Variants in PARP8 observed in about 807,000 individuals in gnomAD.
PARP8 encodes the protein protein mono-ADP-ribosyltransferase PARP8.
A neutral mutation model predicts 124.1 loss-of-function variants in PARP8; 51 were observed. The ratio of observed to expected loss-of-function variants is 0.41; its 90% CI spans 0.33 to 0.52. The LOEUF is 0.52. Ranked by LOEUF, PARP8 falls within the 20% of genes least tolerant of loss-of-function variation. PARP8 has a pLI of 0.21. For missense variants in PARP8, 860 were observed against 1,018.9 expected (o/e 0.84, Z 2.12); for synonymous variants, 391 against 361.5 (o/e 1.08, Z -0.93).
At chr5:50,667,511 G>T in intron 1 of PARP8, 1 of 700,182 alleles carries the variant, frequency 1.4e-6, no homozygotes, top group Non-Finnish European at 2.6e-6. Context: ...CGCTTCCTGG[G>T]TTCCAGCAGC....
chr5:50,840,459 C>T (rs745951822), intron 25 of PARP8, among the ~76,000 whole-genome samples: 2 of 151,674 alleles, frequency 1.3e-5, no homozygotes, highest in Non-Finnish European at 2.9e-5. Context: ...TGCTGGATGA[C>T]GGTACATCAA....
intron 14 of PARP8, among the ~76,000 whole-genome samples, chr5:50,799,313 T>A (rs533690639): frequency 7.9e-5 from 12 of 152,340 alleles, no homozygotes; most frequent in Non-Finnish European, 1.5e-4. Flanking sequence ...CACCATTCTT[T>A]GAAAAGACTA....
intron 2 of PARP8, among the ~76,000 whole-genome samples, chr5:50,746,796 G>T (rs993061897): frequency 1.3e-5 from 2 of 152,134 alleles, no homozygotes; most frequent in Non-Finnish European, 2.9e-5. Context: ...GAAGGCTGAG[G>T]CAGGAAGATC....
intron 14 of PARP8, among the ~76,000 whole-genome samples, chr5:50,802,040 T>A (rs540057858): frequency 6.6e-6 from 1 of 152,346 alleles, no homozygotes; most frequent in South Asian, 2.1e-4. Context: ...AAATTGTTGA[T>A]CTTGGTTTTA....
At chr5:50,774,601 C>G (rs570526169) in intron 7 of PARP8, among the ~76,000 whole-genome samples, 1 of 130,190 alleles carries the variant, frequency 7.7e-6, no homozygotes, top group African/African-American at 3.1e-5. Context: ...CCAGACAGGG[C>G]GGCCGGGCAG....
In PARP8 at chr5:50,817,676, A is replaced by G. The variant is rs371710401; in HGVS notation, c.1668+2152A>G. On this transcript the variant is annotated intron_variant, in intron 15 of 25. Transcript: ENST00000281631. ...CATCTAAGATTTTTTTTAAATTACT[A>G]TTGCAGTATTGGACAATGATTGGTT... Among the ~76,000 whole-genome samples the G allele has an allele frequency of 3.0e-3, 454 of 152,252 alleles. 2 individuals carry two copies. Among genetic ancestry groups the G allele is most frequent in the African/African-American group, 0.01 (436 of 41,534 alleles).
chr5:50,727,637 C>T (rs1254896482), intron 2 of PARP8, among the ~76,000 whole-genome samples: 8 of 152,158 alleles, frequency 5.3e-5, no homozygotes, highest in African/African-American at 1.9e-4. Context: ...AATATAATAA[C>T]CACTAAAGGG....
chr5:50,737,414 G>GTTC (rs142502943), intron 2 of PARP8, among the ~76,000 whole-genome samples: 5 of 152,034 alleles, frequency 3.3e-5, no homozygotes, highest in Non-Finnish European at 7.4e-5. Flanking sequence ...GAGAATAAGG[G>GTTC]TACTCATTAG....
intron 2 of PARP8, among the ~76,000 whole-genome samples, chr5:50,736,499 A>C (rs1757492929): frequency 6.6e-6 from 1 of 152,138 alleles, no homozygotes; most frequent in Non-Finnish European, 1.5e-5. Context: ...TCAGCACCTA[A>C]ATTAATCTGA....
intron 2 of PARP8, among the ~76,000 whole-genome samples, chr5:50,731,695 C>T (rs1419436509): frequency 6.6e-6 from 1 of 152,104 alleles, no homozygotes; most frequent in East Asian, 1.9e-4. Flanking sequence ...CTCAGTTATG[C>T]ATTTGCTTAA....
chr5:50,825,895 A>G (rs1746293116), intron 18 of PARP8, among the ~76,000 whole-genome samples: 2 of 152,158 alleles, frequency 1.3e-5, no homozygotes, highest in African/African-American at 4.8e-5. Flanking sequence ...ATTTTATAGT[A>G]CACATTTAAT....
At chr5:50,821,789 T>G (rs752833279) in intron 16 of PARP8, among the ~76,000 whole-genome samples, 11 of 152,218 alleles carry the variant, frequency 7.2e-5, no homozygotes, top group Non-Finnish European at 1.6e-4. Context: ...TTGAAATAAT[T>G]TTATAGAAAC....
intron 2 of PARP8, among the ~76,000 whole-genome samples, chr5:50,742,638 C>T (rs1223220945): frequency 6.6e-6 from 1 of 152,136 alleles, no homozygotes; most frequent in African/African-American, 2.4e-5. Context: ...GCAAAAACAA[C>T]TAGGAAGAAA....
intron 3 of PARP8, among the ~76,000 whole-genome samples, chr5:50,754,247 T>A (rs2149562050): frequency 6.6e-6 from 1 of 150,550 alleles, no homozygotes; most frequent in Non-Finnish European, 1.5e-5. Flanking sequence ...GTTTGTTACA[T>A]ATGTATACAT....
chr5:50,710,618 T>C (rs774166414), intron 2 of PARP8, among the ~76,000 whole-genome samples: 13 of 152,156 alleles, frequency 8.5e-5, no homozygotes, highest in Non-Finnish European at 2.9e-5. Flanking sequence ...CTAATTCTCA[T>C]TTCTGGTCTG....
intron 14 of PARP8, 27 bp downstream of exon 14, chr5:50,797,260 T>C (rs548178450): frequency 5.4e-6 from 8 of 1,484,772 alleles, no homozygotes; most frequent in Admixed American, 3.7e-5. Flanking sequence ...AGAATGTCCG[T>C]GTTGGTTTAG....
chr5:50,705,087 A>G (rs1753997912), intron 2 of PARP8, among the ~76,000 whole-genome samples: 2 of 152,224 alleles, frequency 1.3e-5, no homozygotes, highest in African/African-American at 2.4e-5. Flanking sequence ...TATCTGCTCA[A>G]TATAGATTGA....
At chr5:50,755,530 A>C (rs1030495178) in intron 3 of PARP8, among the ~76,000 whole-genome samples, 16 of 151,986 alleles carry the variant, frequency 1.1e-4, no homozygotes, top group Admixed American at 9.2e-4. Flanking sequence ...GTATTGTTCC[A>C]TTGGTCTATA....
At chr5:50,689,278 C>G (rs576001379) in intron 2 of PARP8, among the ~76,000 whole-genome samples, 103 of 152,264 alleles carry the variant, frequency 6.8e-4, no homozygotes, top group Admixed American at 2.3e-3. Context: ...TGGAAGTTTT[C>G]TACATTTACT....
Sources: gnomAD v4.1 joint callset for allele counts (sites outside exome capture counted in the v4.1 genomes callset) on GRCh38, gnomAD v4.1.1 for gene constraint, MANE v1.5 for transcripts, NCBI Gene and HGNC (gene_info 2026-07-23, HGNC 2026-07-21) for gene names.